Variants in DPRX observed in about 807,000 individuals in gnomAD.
The protein encoded by DPRX is divergent-paired related homeobox, also known as divergent paired-related homeobox.
Under a neutral mutation model 8.4 loss-of-function variants are expected in DPRX, and 11 were observed. The ratio of observed to expected loss-of-function variants is 1.31; its 90% CI spans 0.82 to 2.17. The LOEUF (loss-of-function observed/expected upper bound fraction) is 2.17, where lower values mean the gene tolerates loss of function less well. DPRX is among the 30% of genes most tolerant of loss of function. DPRX has a pLI of 0.00. For synonymous variants in DPRX, 72 were observed against 87.0 expected (o/e 0.83, Z 0.96); for missense variants, 211 against 236.7 (o/e 0.89, Z 0.71).
the DPRX span, among the ~76,000 whole-genome samples, chr19:53,619,807 A>G: frequency 6.7e-6 from 1 of 148,978 alleles, no homozygotes; most frequent in South Asian, 2.2e-4. Context: ...GTGAGCCGAG[A>G]TCATGCCACT....
chr19:53,632,044 G>A (rs917330987), upstream of DPRX: 4 of 1,610,846 alleles, frequency 2.5e-6, no homozygotes, highest in Admixed American at 1.7e-5. Context: ...ACTTAAATCC[G>A]GATTTGATCT....
chr19:53,614,709 C>G, the DPRX span, among the ~76,000 whole-genome samples: 2 of 151,846 alleles, frequency 1.3e-5, no homozygotes, highest in African/African-American at 4.8e-5. Flanking sequence ...GTTAGCTTAC[C>G]TCTATGTAAT....
the DPRX span, among the ~76,000 whole-genome samples, chr19:53,625,498 G>T: frequency 3.3e-5 from 5 of 152,082 alleles, no homozygotes; most frequent in African/African-American, 9.6e-5. Flanking sequence ...ACAAGCAGTG[G>T]TCTGAGGATA....
chr19:53,623,048 G>A, the DPRX span, among the ~76,000 whole-genome samples: 1 of 152,036 alleles, frequency 6.6e-6, no homozygotes, highest in Non-Finnish European at 1.5e-5. Context: ...GCTCACACCT[G>A]TAATCCCAGC....
chr19:53,634,152 C>A (rs529567160), intron 1 of DPRX, among the ~76,000 whole-genome samples: 3 of 151,658 alleles, frequency 2.0e-5, no homozygotes, highest in African/African-American at 7.3e-5. Context: ...CAGTCACGGC[C>A]GGGCACAGTG....
chr19:53,622,587 C>A, the DPRX span, among the ~76,000 whole-genome samples: 1 of 152,120 alleles, frequency 6.6e-6, no homozygotes, highest in Non-Finnish European at 1.5e-5. Context: ...CAGACAAGAA[C>A]CTTCCTGCCC....
upstream of DPRX, among the ~76,000 whole-genome samples, chr19:53,630,522 AGGCTGGGCCTAG>A (rs2091088583): frequency 6.6e-6 from 1 of 152,090 alleles, no homozygotes; most frequent in African/African-American, 2.4e-5. Context: ...ACTGCACTCC[AGGCTGGGCCTAG>A]GCCTTTGTAG....
the DPRX span, chr19:53,602,312 G>GTGTGTGTGTGTGTGTC: frequency 1.9e-5 from 6 of 316,102 alleles, no homozygotes; most frequent in African/African-American, 1.5e-4. Flanking sequence ...GTGTGTGTGT[G>GTGTGTGTGTGTGTGTC]CCAGCCTCCC....
chr19:53,629,608 A>G (rs1369621987), upstream of DPRX: 1 of 151,402 alleles, frequency 6.6e-6, no homozygotes, highest in Non-Finnish European at 1.5e-5. Flanking sequence ...GGCAGATTAC[A>G]GGCTCTTTTT....
chr19:53,623,310 A>AAAAAAAAT, the DPRX span, among the ~76,000 whole-genome samples: 8,923 of 133,864 alleles, frequency 0.067, 424 homozygotes, highest in Non-Finnish European at 0.099. Context: ...CTGTCTCAAA[A>AAAAAAAAT]AAATAAATAA....
the DPRX span, among the ~76,000 whole-genome samples, chr19:53,626,703 G>A: frequency 7.2e-5 from 11 of 152,086 alleles, no homozygotes; most frequent in Admixed American, 2.0e-4. Context: ...CTCATGGGCC[G>A]TCTCAAGCAC....
chr19:53,628,193 A>C (rs2122152130), upstream of DPRX, among the ~76,000 whole-genome samples: 1 of 152,132 alleles, frequency 6.6e-6, no homozygotes, highest in Admixed American at 6.6e-5. Flanking sequence ...AATCCCAGTG[A>C]TTTGGGAGGC....
the DPRX span, among the ~76,000 whole-genome samples, chr19:53,622,061 T>G: frequency 1.3e-5 from 2 of 152,096 alleles, no homozygotes; most frequent in East Asian, 3.9e-4. Context: ...GAGATCTGAG[T>G]CTGGTGTTGC....
upstream of DPRX, among the ~76,000 whole-genome samples, chr19:53,628,209 T>C (rs2122152160): frequency 6.6e-6 from 1 of 151,856 alleles, no homozygotes; most frequent in Admixed American, 6.6e-5. Context: ...GAGGCTGAGG[T>C]GGGAGGATTA....
At chr19:53,623,919 C>T in the DPRX span, among the ~76,000 whole-genome samples, 711 of 151,734 alleles carry the variant, frequency 4.7e-3, 11 homozygotes, top group African/African-American at 0.016. Context: ...CATTGCACTC[C>T]AGCCAGGGCA....
intron 1 of DPRX, 37 bp from the exon 2 acceptor site, chr19:53,634,494 G>C (rs2091104837): frequency 1.9e-6 from 3 of 1,590,508 alleles, no homozygotes; most frequent in Non-Finnish European, 2.6e-6. Flanking sequence ...GGAGTTGTTA[G>C]CATTTCCCAT....
chr19:53,605,209 C>T, the DPRX span, among the ~76,000 whole-genome samples: 2 of 152,052 alleles, frequency 1.3e-5, no homozygotes, highest in African/African-American at 4.8e-5. Context: ...GAGTGAGATC[C>T]TGTCTCAACA....
exon 1 of DPRX, chr19:53,632,088 C>G: frequency 1.2e-6 from 2 of 1,613,764 alleles, no homozygotes; most frequent in South Asian, 2.2e-5. Context: ...TGAACCCAGG[C>G]GCACATCTGG....
intron 1 of DPRX, among the ~76,000 whole-genome samples, chr19:53,632,608 C>G (rs1169737499): frequency 1.3e-5 from 2 of 151,990 alleles, no homozygotes; most frequent in Non-Finnish European, 2.9e-5. Context: ...TGCACCCGGC[C>G]CAAGTTTTGT....
Sources: allele counts gnomAD v4.1 joint callset (sites outside exome capture counted in the v4.1 genomes callset), GRCh38; gene constraint gnomAD v4.1.1; transcripts MANE v1.5; gene names NCBI Gene and HGNC (gene_info 2026-07-23, HGNC 2026-07-21).